The following LRRC69 variants were observed in gnomAD, a reference collection of about 807,000 sequenced individuals.
LRRC69 encodes the protein leucine-rich repeat-containing protein 69.
A neutral mutation model predicts 37.8 loss-of-function variants in LRRC69; 42 were observed. That is an observed-to-expected ratio of 1.11 (90% CI 0.87 to 1.44). The LOEUF is 1.44. LRRC69 is among the 40% of genes most tolerant of loss of function. The pLI is 0.00. For missense variants in LRRC69, 357 were observed against 401.9 expected (o/e 0.89, Z 0.96); for synonymous variants, 141 against 143.1 (o/e 0.99, Z 0.11).
rs527668672 is a variant in LRRC69, at chr8:91,145,512, C to G, written c.651+9773C>G. Among the ~76,000 whole-genome samples, 42 of 152,014 alleles carry G rather than the reference C, an allele frequency of 2.8e-4. No homozygotes were observed. The East Asian group carries it at 3.9e-3, about 14-fold the overall frequency. ...TTCTTGAAGCTCTTTAAATGCCTCTCTAAAATTTGACCTTGATTTTAAAAT... is the reference window on the plus strand; with the variant it reads ...TTCTTGAAGCTCTTTAAATGCCTCTGTAAAATTTGACCTTGATTTTAAAAT... On this transcript the variant is annotated intron_variant, in intron 5 of 7. Transcript: ENST00000448384.
At chr8:91,139,107 A>C (rs1166143902) in intron 5 of LRRC69, 1 of 151,836 alleles carries the variant, frequency 6.6e-6, no homozygotes, top group Non-Finnish European at 1.5e-5. Context: ...GATCTGCTAC[A>C]GAGAGACTTT....
intron 1 of LRRC69, among the ~76,000 whole-genome samples, chr8:91,120,720 G>T (rs1010402663): frequency 6.6e-6 from 1 of 152,060 alleles, no homozygotes; most frequent in African/African-American, 2.4e-5. Context: ...CTCAGCTGTG[G>T]GATGTGGTGT....
At chr8:91,178,825 A>C (rs533884802) in intron 5 of LRRC69, among the ~76,000 whole-genome samples, 2 of 152,306 alleles carry the variant, frequency 1.3e-5, no homozygotes, top group South Asian at 4.2e-4. Context: ...GGACTACCTG[A>C]GAGGTGACCC....
chr8:91,162,442 G>C (rs1273640231), intron 5 of LRRC69, among the ~76,000 whole-genome samples: 1 of 151,390 alleles, frequency 6.6e-6, no homozygotes, highest in South Asian at 2.1e-4. Flanking sequence ...CCAGTGTTGG[G>C]TGCATATACA....
chr8:91,110,922 A>G (rs1813398491), intron 1 of LRRC69, among the ~76,000 whole-genome samples: 1 of 152,082 alleles, frequency 6.6e-6, no homozygotes, highest in South Asian at 2.1e-4. Context: ...AGAACAGATT[A>G]AGCTCAAAAG....
chr8:91,212,244 G>A (rs1239944855), intron 7 of LRRC69, among the ~76,000 whole-genome samples: 2 of 152,082 alleles, frequency 1.3e-5, no homozygotes, highest in Admixed American at 6.5e-5. Context: ...AACCTAAATA[G>A]TCTCATAAAA....
Position 91,148,535 on chromosome 8 carries a change from A to G in LRRC69, c.651+12796A>G, listed in dbSNP as rs553723555. Among the ~76,000 whole-genome samples, 6 of 152,114 alleles carry G rather than the reference A, an allele frequency of 3.9e-5. No homozygotes were observed. The East Asian group carries it at 5.8e-4, about 15-fold the overall frequency. On this transcript the variant is annotated intron_variant, in intron 5 of 7. Coordinates refer to ENST00000448384, the Ensembl canonical transcript of LRRC69. ...CTTTGCTATCGTGAATAGTGCCGCA[A>G]TAAACATACATGTGCATGTGTCTTT...
chr8:91,171,538 G>GA (rs1438647673), intron 5 of LRRC69, among the ~76,000 whole-genome samples: 2 of 151,986 alleles, frequency 1.3e-5, no homozygotes, highest in Non-Finnish European at 2.9e-5. Context: ...AAACTTCTGA[G>GA]AAAATCTTAG....
At chr8:91,140,031 T>C (rs1483345328) in intron 5 of LRRC69, among the ~76,000 whole-genome samples, 1 of 142,012 alleles carries the variant, frequency 7.0e-6, no homozygotes, top group Non-Finnish European at 1.5e-5. Flanking sequence ...GAGGTTGCGG[T>C]GAGCCAACAT....
intron 6 of LRRC69, among the ~76,000 whole-genome samples, chr8:91,191,994 C>A (rs188687154): frequency 7.2e-5 from 8 of 110,626 alleles, no homozygotes; most frequent in African/African-American, 2.0e-4. Flanking sequence ...ATCCCTCCCC[C>A]CTCCCCCCAC....
intron 2 of LRRC69, among the ~76,000 whole-genome samples, chr8:91,125,602 G>A (rs1407079508): frequency 4.0e-5 from 6 of 151,724 alleles, no homozygotes; most frequent in African/African-American, 1.4e-4. Flanking sequence ...AAAAAGTTAA[G>A]GTCATGCAAA....
chr8:91,196,023 CT>C (rs1238856958), intron 6 of LRRC69, among the ~76,000 whole-genome samples: 2 of 152,142 alleles, frequency 1.3e-5, no homozygotes, highest in Admixed American at 6.5e-5. Context: ...TTCAGGAGCT[CT>C]TTTAGGGCAG....
chr8:91,178,859 A>G (rs1486920160), intron 5 of LRRC69, among the ~76,000 whole-genome samples: 3 of 152,226 alleles, frequency 2.0e-5, no homozygotes, highest in African/African-American at 7.2e-5. Flanking sequence ...GCAGGGGGCC[A>G]TGGCAGTTTC....
chr8:91,109,250 G>T (rs1005527109), intron 1 of LRRC69, among the ~76,000 whole-genome samples: 1 of 152,032 alleles, frequency 6.6e-6, no homozygotes, highest in Non-Finnish European at 1.5e-5. Context: ...TTCTCTCTCT[G>T]CTGGCAGGTG....
chr8:91,168,996 TA>T (rs1180938820), intron 5 of LRRC69, among the ~76,000 whole-genome samples: 2 of 151,914 alleles, frequency 1.3e-5, no homozygotes, highest in African/African-American at 4.8e-5. Context: ...ATCTTGGGAC[TA>T]ACGTTAATAG....
intron 5 of LRRC69, among the ~76,000 whole-genome samples, chr8:91,187,858 T>C (rs1177718350): frequency 2.0e-5 from 3 of 152,232 alleles, no homozygotes; most frequent in Admixed American, 1.3e-4. Context: ...TCTAAGATCA[T>C]TCTGTGTCCT....
At chr8:91,143,027 G>C (rs772716720) in intron 5 of LRRC69, among the ~76,000 whole-genome samples, 1 of 152,010 alleles carries the variant, frequency 6.6e-6, no homozygotes, top group Non-Finnish European at 1.5e-5. Flanking sequence ...TATATAGTTG[G>C]AGGCTGAGTT....
intron 7 of LRRC69, among the ~76,000 whole-genome samples, chr8:91,208,963 A>C (rs751396973): frequency 2.0e-5 from 3 of 152,134 alleles, no homozygotes; most frequent in Non-Finnish European, 4.4e-5. Context: ...GGCATAAGAA[A>C]ATTTTGGCTG....
At chr8:91,165,148 A>T (rs1809006575) in intron 5 of LRRC69, among the ~76,000 whole-genome samples, 1 of 151,746 alleles carries the variant, frequency 6.6e-6, no homozygotes, top group African/African-American at 2.4e-5. Flanking sequence ...ATTTTGCCTA[A>T]TTTTTGAGAG....
Sources: gnomAD v4.1 joint callset for allele counts (sites outside exome capture counted in the v4.1 genomes callset) on GRCh38, gnomAD v4.1.1 for gene constraint, MANE v1.5 for transcripts, NCBI Gene and HGNC (gene_info 2026-07-23, HGNC 2026-07-21) for gene names.